The following CLEC17A variants were observed in gnomAD, a reference collection of about 807,000 sequenced individuals.
CLEC17A encodes the protein C-type lectin domain family 17, member A.
Under a neutral mutation model 61.3 loss-of-function variants are expected in CLEC17A, and 37 were observed. That is an observed-to-expected ratio of 0.60 (90% CI 0.46 to 0.79). CLEC17A has a LOEUF of 0.79. Ranked by LOEUF, CLEC17A falls within the 30% of genes least tolerant of loss-of-function variation. CLEC17A has a pLI of 0.00. For synonymous variants in CLEC17A, 168 were observed against 164.9 expected, an observed-to-expected ratio of 1.02 and a Z score of -0.14; for missense variants, 418 against 464.7, an observed-to-expected ratio of 0.90 and a Z score of 0.92.
chr19:14,593,246 A>G (rs1168888187), intron 4 of CLEC17A, among the ~76,000 whole-genome samples: 1 of 146,686 alleles, frequency 6.8e-6, no homozygotes, highest in Non-Finnish European at 1.5e-5. Flanking sequence ...GGAGGCCAAG[A>G]TGGGAGGATC....
At chr19:14,593,490 A>AT (rs567653613) in intron 4 of CLEC17A, among the ~76,000 whole-genome samples, 233 of 148,846 alleles carry the variant, frequency 1.6e-3, no homozygotes, top group African/African-American at 1.9e-3. Context: ...ATATGAAAAC[A>AT]TTTTTTTTTT....
intron 8 of CLEC17A, among the ~76,000 whole-genome samples, chr19:14,596,185 G>A (rs542981066): frequency 6.6e-6 from 1 of 152,086 alleles, no homozygotes; most frequent in East Asian, 1.9e-4. Flanking sequence ...TTGGTCAGGG[G>A]TTTCTGGAGA....
chr19:14,600,262 C>A, intron 12 of CLEC17A, 80 bp downstream of exon 12: 1 of 1,510,172 alleles, frequency 6.6e-7, no homozygotes, highest in Non-Finnish European at 9.0e-7. Flanking sequence ...CCCTCCCTTC[C>A]CTGGATGGCA....
intron 1 of CLEC17A, 48 bp downstream of exon 1, chr19:14,583,251 C>T (rs752621957): frequency 1.2e-6 from 2 of 1,613,316 alleles, no homozygotes; most frequent in East Asian, 2.2e-5. Context: ...TGGTCAGGAC[C>T]CAGGGTACAG....
In CLEC17A at chr19:14,591,248, A is replaced by G. The variant is rs1413749408; in HGVS notation, c.200-1033A>G. 5.3e-5 allele frequency among the ~76,000 whole-genome samples: 7 copies of G among 131,650 alleles called. No individual in the cohort carries two copies. The South Asian group carries it at 9.7e-4, about 18-fold the overall frequency. 86.4% of individuals were successfully genotyped at this position (131,650 alleles called of 152,430 possible). A position where few individuals can be genotyped will look rare whatever the true frequency, so the allele number is the denominator to read the frequency against. On this transcript the variant is annotated intron_variant, in intron 3 of 13. Transcript: ENST00000417570. ...CGGCTCACTGCAAGCTCCGCCTCCC[A>G]GGTTCACGCCATTCTCCTGCCTCAG...
intron 3 of CLEC17A, among the ~76,000 whole-genome samples, chr19:14,591,570 T>C (rs75434801): frequency 1.3e-5 from 2 of 151,182 alleles, no homozygotes; most frequent in Non-Finnish European, 3.0e-5. Context: ...TTTTTTTTTT[T>C]TGAGACAGAA....
chr19:14,581,836 G>C (rs943027117), upstream of CLEC17A, among the ~76,000 whole-genome samples: 10 of 151,974 alleles, frequency 6.6e-5, no homozygotes, highest in African/African-American at 2.4e-4. Flanking sequence ...ATTTTTAGTA[G>C]AGATGGGATT....
chr19:14,583,319 G>T, intron 1 of CLEC17A, 38 bp from the exon 2 acceptor site: 2 of 1,606,862 alleles, frequency 1.2e-6, no homozygotes, highest in Non-Finnish European at 1.7e-6. Flanking sequence ...GGAGGGAGGA[G>T]GGAATGGCTG....
rs535450581 is a variant in CLEC17A at position 14,611,692 on chromosome 19, C to T, written c.*1496C>T. 6.6e-6 allele frequency among the ~76,000 whole-genome samples: 1 copy of T among 152,214 alleles called. No individual in the cohort carries two copies. The highest frequency in any genetic ancestry group is 1.5e-5 in the Non-Finnish European group (1 of 68,012). On this transcript the variant is annotated 3_prime_UTR_variant, in exon 14 of 14. Transcript: ENST00000417570. Reference sequence around the variant, plus strand: ...CCCTTGAGCTATCTGTGGGTTGTAACGTCTTTGATGATATAATTCACTTTA... The same window carrying T: ...CCCTTGAGCTATCTGTGGGTTGTAATGTCTTTGATGATATAATTCACTTTA...
chr19:14,583,579 A>T, intron 2 of CLEC17A, 145 bp downstream of exon 2: 1 of 1,507,186 alleles, frequency 6.6e-7, no homozygotes, highest in Non-Finnish European at 8.9e-7. Flanking sequence ...CCTGCCCAGG[A>T]CGACCTGTCA....
At chr19:14,607,740 C>A (rs1449833411) in intron 13 of CLEC17A, among the ~76,000 whole-genome samples, 3 of 151,418 alleles carry the variant, frequency 2.0e-5, no homozygotes, top group Non-Finnish European at 4.4e-5. Context: ...TCGTGCCTGG[C>A]TAATTTTTGT....
chr19:14,610,858 C>T lies in CLEC17A; in HGVS notation c.*662C>T, dbSNP rs1416692485. 1 of 152,140 alleles carries T rather than the reference C, an allele frequency of 6.6e-6. No homozygotes were observed. The highest frequency in any genetic ancestry group is 1.5e-5 in the Non-Finnish European group (1 of 68,098). The allele number at this position is 152,140 out of a possible 1,614,324, so 9.4% of individuals were successfully genotyped here. On this transcript the variant is annotated 3_prime_UTR_variant, in exon 14 of 14. Coordinates refer to ENST00000417570, the MANE Select transcript of CLEC17A (RefSeq NM_001204118.2). Reference sequence around the variant, plus strand: ...TATTATTTTTATAGAGATGAGGTCTCACTCTGTTGCCGAGGCTGGTCTCAA... The same window carrying T: ...TATTATTTTTATAGAGATGAGGTCTTACTCTGTTGCCGAGGCTGGTCTCAA...
intron 12 of CLEC17A, among the ~76,000 whole-genome samples, chr19:14,601,333 C>T (rs549529553): frequency 6.6e-6 from 1 of 152,278 alleles, no homozygotes; most frequent in East Asian, 1.9e-4. Flanking sequence ...ATGTACACGC[C>T]TATCTTTTAA....
chr19:14,583,208 G>T lies in CLEC17A; in HGVS notation c.43+5G>T. The T allele has an allele frequency of 6.2e-7, 1 of 1,613,952 alleles. No homozygotes were observed. The highest frequency in any genetic ancestry group is 8.5e-7 in the Non-Finnish European group (1 of 1,179,880). Reference sequence around the variant, plus strand: ...CTGGGTACCCGGACCCACCAGGTAAGGCCCCGGCCAGGCTGGGGCTGGGGC... The same window carrying T: ...CTGGGTACCCGGACCCACCAGGTAATGCCCCGGCCAGGCTGGGGCTGGGGC... On this transcript the variant is annotated splice_donor_5th_base_variant and intron_variant, in intron 1 of 13. Coordinates refer to ENST00000417570, the MANE Select transcript of CLEC17A (RefSeq NM_001204118.2).
chr19:14,598,000 A>G (rs143141023), intron 10 of CLEC17A, among the ~76,000 whole-genome samples: 46 of 152,234 alleles, frequency 3.0e-4, no homozygotes, highest in African/African-American at 1.1e-3. Context: ...TTATAGAAGA[A>G]TCTTTTGACC....
chr19:14,582,821 T>C (rs890211659), upstream of CLEC17A, among the ~76,000 whole-genome samples: 5 of 151,898 alleles, frequency 3.3e-5, no homozygotes, highest in African/African-American at 1.2e-4. Flanking sequence ...TTGGCCAACC[T>C]GGTCTCGAAC....
chr19:14,586,288 C>T (rs1179895233), intron 2 of CLEC17A, among the ~76,000 whole-genome samples: 4 of 151,994 alleles, frequency 2.6e-5, no homozygotes, highest in Non-Finnish European at 5.9e-5. Context: ...CTGTGCCCGG[C>T]TAATTTTGTA....
At chr19:14,604,400 C>T (rs2074801309) in intron 12 of CLEC17A, among the ~76,000 whole-genome samples, 1 of 152,058 alleles carries the variant, frequency 6.6e-6, no homozygotes, top group Non-Finnish European at 1.5e-5. Flanking sequence ...ATTTTATTAC[C>T]CACATTCTTT....
At chr19:14,591,768 G>T (rs1363879761) in intron 3 of CLEC17A, among the ~76,000 whole-genome samples, 1 of 151,496 alleles carries the variant, frequency 6.6e-6, no homozygotes, top group East Asian at 2.0e-4. Context: ...TGGTTGCCCA[G>T]GCTGATCTCG....
Sources: gnomAD v4.1 joint callset for allele counts (sites outside exome capture counted in the v4.1 genomes callset) on GRCh38, gnomAD v4.1.1 for gene constraint, MANE v1.5 for transcripts, NCBI Gene and HGNC (gene_info 2026-07-23, HGNC 2026-07-21) for gene names.